ATM: variants seen among roughly 807,000 people sequenced by gnomAD.
ATM encodes the protein serine-protein kinase ATM.
Under a neutral mutation model 387.0 loss-of-function variants are expected in ATM, and 308 were observed. The ratio of observed to expected loss-of-function variants is 0.80; its 90% CI spans 0.73 to 0.87. The LOEUF is 0.87. Ranked by LOEUF, ATM falls within the 40% of genes least tolerant of loss-of-function variation. ATM has a pLI of 0.00. For missense variants in ATM, 3,312 were observed against 3,560.9 expected (o/e 0.93, Z 1.78); for synonymous variants, 1,156 against 1,187.3 (o/e 0.97, Z 0.54).
chr11:108,348,527 A>G (rs796991232), intron 59 of ATM, among the ~76,000 whole-genome samples: 1 of 151,774 alleles, frequency 6.6e-6, no homozygotes, highest in African/African-American at 2.4e-5. Flanking sequence ...TGAAGTATTA[A>G]TGGGATTTCT....
chr11:108,364,279 A>C (rs2091103338), intron 61 of ATM, among the ~76,000 whole-genome samples: 1 of 152,176 alleles, frequency 6.6e-6, no homozygotes, highest in Non-Finnish European at 1.5e-5. Flanking sequence ...TATTGTCTCC[A>C]CTTATTACTA....
intron 11 of ATM, 82 bp from the exon 12 acceptor site, chr11:108,252,735 G>A (rs984881207): frequency 9.4e-6 from 9 of 962,068 alleles, no homozygotes; most frequent in African/African-American, 4.9e-5. Context: ...AAGATTTATA[G>A]CTAAACATGG....
rs4987967 is a variant in ATM at position 108,266,894 on chromosome 11, C to G, written c.2467-277C>G. Reference sequence around the variant, plus strand: ...CACTGCAATCTCTGCCTCCTGAGTTCAAGTGATTCTCCTGCCTCAGCTTCC... The same window carrying G: ...CACTGCAATCTCTGCCTCCTGAGTTGAAGTGATTCTCCTGCCTCAGCTTCC... On this transcript the variant is annotated intron_variant, in intron 16 of 62. Transcript: ENST00000675843. 9.1e-3 allele frequency among the ~76,000 whole-genome samples: 1,364 copies of G among 149,858 alleles called. 20 individuals are homozygous for G. Among genetic ancestry groups the G allele is most frequent in the African/African-American group, 0.032 (1,287 of 40,572 alleles).
intron 7 of ATM, among the ~76,000 whole-genome samples, 168 bp from the exon 8 acceptor site, chr11:108,246,796 A>G (rs969223516): frequency 1.3e-5 from 2 of 152,230 alleles, no homozygotes; most frequent in African/African-American, 4.8e-5. Flanking sequence ...CAGTTATGAA[A>G]TAGAGTTTGT....
At position 108,259,028 on chromosome 11, in the gene ATM, T is replaced by C. The variant is rs1555076667; in HGVS notation, c.2419T>C (p.Leu807=). Residue 807 remains leucine, a synonymous_variant, in exon 16 of 63, where the codon TTA becomes CTA. Coordinates refer to ENST00000675843, the MANE Select transcript of ATM (RefSeq NM_000051.4). The stretch of plus-strand genomic sequence containing the variant: ...TGCATCTGGCTTTTTCCTGCGATTG[T>C]TAACATCAAAGCTAATGAATGACAT... ...KIASGFFLRL[L]TSKLMNDIAD... The C allele has an allele frequency of 6.2e-7, 1 of 1,613,818 alleles. No homozygotes were observed. Among genetic ancestry groups the C allele is most frequent in the Non-Finnish European group, 8.5e-7 (1 of 1,179,976 alleles).
Position 108,272,781 on chromosome 11 carries a change from T to C in ATM, c.3213T>C (p.Asn1071=), listed in dbSNP as rs786203221. 1 of 1,614,110 alleles carries C rather than the reference T, an allele frequency of 6.2e-7. No individual in the cohort carries two copies. Among genetic ancestry groups the C allele is most frequent in the Non-Finnish European group, 8.5e-7 (1 of 1,179,992 alleles). The change falls in exon 22 of 63, where the codon AAT becomes AAC. Residue 1071 remains asparagine (N), a synonymous_variant. Coordinates refer to ENST00000675843, the MANE Select transcript of ATM (RefSeq NM_000051.4). Reference sequence around the variant, plus strand: ...TAATGGGAAAAGACTTTCCTGTAAATGAAGTATTTACACAATTTCTTGCTG... The same window carrying C: ...TAATGGGAAAAGACTTTCCTGTAAACGAAGTATTTACACAATTTCTTGCTG... The part of the protein sequence containing the change: ...LNVMGKDFPV[N]EVFTQFLADN...
chr11:108,352,600 A>G (rs999027564), intron 59 of ATM, among the ~76,000 whole-genome samples: 2 of 152,206 alleles, frequency 1.3e-5, no homozygotes, highest in African/African-American at 2.4e-5. Context: ...TAAAATGGCC[A>G]TGTACTACAA....
chr11:108,294,974 G>C lies in ATM; in HGVS notation c.4824G>C (p.Leu1608Phe), dbSNP rs1239479673. Residue 1608 changes from leucine to phenylalanine, a missense_variant, in exon 32 of 63, where the codon TTG becomes TTC. Leu to Phe is a conservative substitution (Grantham distance 22). Transcript: ENST00000675843. The part of the protein sequence containing the change: ...LSVSVYDALP[L>F]TRLEGLKDLR... ...TAAGTGTTTATGATGCACTTCCATT[G>C]ACAAGACTTGAAGGACTAAAGGATC... 6.2e-7 allele frequency: 1 copy of C among 1,613,666 alleles called. No homozygotes were observed. The highest frequency in any genetic ancestry group is 8.5e-7 in the Non-Finnish European group (1 of 1,179,792).
chr11:108,275,658 A>G (rs1276219901), intron 22 of ATM, among the ~76,000 whole-genome samples: 4 of 152,136 alleles, frequency 2.6e-5, no homozygotes, highest in Non-Finnish European at 5.9e-5. Context: ...TGGGTTGAAA[A>G]TTATTTTCTT....
At chr11:108,335,771 C>T (rs2086768943) in intron 55 of ATM, 74 bp from the exon 56 acceptor site, 4 of 1,215,002 alleles carry the variant, frequency 3.3e-6, no homozygotes, top group Non-Finnish European at 4.8e-6. Context: ...GTGCCCTTTG[C>T]TATTCTCAGA....
In ATM at chr11:108,347,286, C is replaced by T. The variant is rs56025670; in HGVS notation, c.8592C>T (p.Tyr2864=). 1,390 of 1,607,654 alleles carry T rather than the reference C, an allele frequency of 8.6e-4. 1 individual carries two copies. Among genetic ancestry groups the T allele is most frequent in the Non-Finnish European group, 1.1e-3 (1,344 of 1,174,430 alleles). ...TGTTTCTTTTTTCTCCAGTTGGTTA[C>T]ATACTTGGACTTGGTGATAGACATG... ...RSVATSSIVG[Y]ILGLGDRHVQ... is the part of the protein sequence containing the mutation. The change falls in exon 59 of 63, where the codon TAC becomes TAT. Residue 2864 remains tyrosine, a synonymous_variant. Transcript: ENST00000675843.
intron 61 of ATM, among the ~76,000 whole-genome samples, chr11:108,358,370 T>C (rs948542302): frequency 6.8e-6 from 1 of 146,212 alleles, no homozygotes; most frequent in African/African-American, 2.6e-5. Context: ...GAAAACACTC[T>C]GCAGGATATT....
rs1565533544 is a variant in ATM at position 108,331,888 on chromosome 11, A to G, written c.7639A>G (p.Arg2547Gly). The change falls in exon 52 of 63, where the codon AGA becomes GGA. Residue 2547 changes from arginine (R) to glycine (G), a missense_variant. By Grantham distance (125) the Arg-to-Gly change is moderately radical. Transcript: ENST00000675843. Reference protein sequence around the residue: ...FHEVLNNLISRISMDHPHHTL... With the variant: ...FHEVLNNLISGISMDHPHHTL... ...AGTTCTTTTCTTACAGCTAATCTCTAGAATTTCAATGGATCACCCCCATCA... is the reference window on the plus strand; with the variant it reads ...AGTTCTTTTCTTACAGCTAATCTCTGGAATTTCAATGGATCACCCCCATCA... 6.2e-7 allele frequency: 1 copy of G among 1,613,452 alleles called. No homozygotes were observed. Among genetic ancestry groups the G allele is most frequent in the Non-Finnish European group, 8.5e-7 (1 of 1,179,438 alleles).
At chr11:108,336,877 CAATA>C (rs140404568) in intron 56 of ATM, among the ~76,000 whole-genome samples, 1,958 of 152,252 alleles carry the variant, frequency 0.013, 52 homozygotes, top group African/African-American at 0.044. Context: ...TTAGAAATAA[CAATA>C]AATCCTTATT....
chr11:108,270,659 G>T (rs1222036087), intron 18 of ATM, among the ~76,000 whole-genome samples: 1 of 152,016 alleles, frequency 6.6e-6, no homozygotes, highest in Non-Finnish European at 1.5e-5. Context: ...GTGTGTGTGT[G>T]TATGTGTGTG....
chr11:108,281,882 A>T (rs1407292789), intron 24 of ATM, among the ~76,000 whole-genome samples: 1 of 152,194 alleles, frequency 6.6e-6, no homozygotes, highest in Non-Finnish European at 1.5e-5. Flanking sequence ...ATACAAATAC[A>T]TTACCTAATA....
chr11:108,227,558 A>G (rs1435106480), intron 1 of ATM, 37 bp from the exon 2 acceptor site: 9 of 1,274,708 alleles, frequency 7.1e-6, no homozygotes, highest in Non-Finnish European at 1.0e-5. Flanking sequence ...GCATATATAC[A>G]TATACATATA....
At chr11:108,244,672 T>C in intron 6 of ATM, 116 bp from the exon 7 acceptor site, 1 of 841,702 alleles carries the variant, frequency 1.2e-6, no homozygotes, top group Admixed American at 2.0e-5. Context: ...TTAAGACTAC[T>C]GTTTGAAAAT....
rs1555070832 is a variant in ATM at position 108,250,830 on chromosome 11, GT to G, written c.1367del (p.Leu456TyrfsTer17). On this transcript the variant is annotated frameshift_variant, in exon 10 of 63. Coordinates refer to ENST00000675843, the MANE Select transcript of ATM (RefSeq NM_000051.4). LOFTEE classifies it high-confidence loss of function. ...GACATGGGGAACGTACACCATATGT[GT>G]TACGATGCCTTACGGAAGTTGCATT... ...QRHGERTPYV[L>X]RCLTEVALCQ... is the part of the protein sequence containing the mutation. The G allele has an allele frequency of 1.2e-6, 2 of 1,614,084 alleles. No individual in the cohort carries two copies. The highest frequency in any genetic ancestry group is 1.7e-6 in the Non-Finnish European group (2 of 1,180,038).
Sources: gnomAD v4.1 joint callset for allele counts (sites outside exome capture counted in the v4.1 genomes callset) on GRCh38, gnomAD v4.1.1 for gene constraint, MANE v1.5 for transcripts, NCBI Gene and HGNC (gene_info 2026-07-23, HGNC 2026-07-21) for gene names.